The following FRMD4B variants were observed in gnomAD, a reference collection of about 807,000 sequenced individuals.
FRMD4B encodes FERM domain containing 4B.
FRMD4B carries 74 observed loss-of-function variants against 141.5 expected under a neutral mutation model. The observed-to-expected ratio is 0.52, with a 90% CI of 0.43 to 0.63. FRMD4B has a LOEUF of 0.63. Among genes scored for constraint, FRMD4B ranks in the 30% least tolerant of loss-of-function variants. The probability of loss-of-function intolerance (pLI) is 0.00; values close to 1 mark genes in which losing one functional copy is unlikely to be tolerated. For synonymous variants in FRMD4B, 506 were observed against 467.9 expected (o/e 1.08, Z -1.05); for missense variants, 1,366 against 1,253.4 (o/e 1.09, Z -1.36).
chr3:69,404,054 C>A (rs191293235), intron 2 of FRMD4B, among the ~76,000 whole-genome samples: 1 of 152,286 alleles, frequency 6.6e-6, no homozygotes, highest in Non-Finnish European at 1.5e-5. Flanking sequence ...CAACACCACA[C>A]CTGGCTGTTT....
chr3:69,431,699 A>C (rs546448616), intron 2 of FRMD4B, among the ~76,000 whole-genome samples: 1 of 152,302 alleles, frequency 6.6e-6, no homozygotes, highest in South Asian at 2.1e-4. Flanking sequence ...ACAATTATGC[A>C]AGTGGTAGGT....
chr3:69,433,690 C>T (rs143883062), intron 1 of FRMD4B, among the ~76,000 whole-genome samples: 1 of 152,336 alleles, frequency 6.6e-6, no homozygotes, highest in African/African-American at 2.4e-5. Flanking sequence ...ATTCAAGGAG[C>T]TTAACTCAAA....
intron 7 of FRMD4B, among the ~76,000 whole-genome samples, chr3:69,227,141 C>T (rs2093262495): frequency 6.6e-6 from 1 of 152,236 alleles, no homozygotes; most frequent in Middle Eastern, 3.4e-3. Flanking sequence ...GAACTATACA[C>T]AATCAGAATC....
intron 1 of FRMD4B, among the ~76,000 whole-genome samples, chr3:69,493,445 C>G (rs535021675): frequency 6.6e-6 from 1 of 152,120 alleles, no homozygotes. Context: ...ATTTTGCTAG[C>G]CAAACAAAAC....
intron 7 of FRMD4B, among the ~76,000 whole-genome samples, chr3:69,231,435 G>A (rs943053005): frequency 5.3e-5 from 8 of 152,190 alleles, no homozygotes; most frequent in Non-Finnish European, 1.2e-4. Context: ...CTACAGGTAT[G>A]TGCTACCACG....
At chr3:69,341,921 T>G (rs1702751288) in intron 1 of FRMD4B, among the ~76,000 whole-genome samples, 1 of 152,210 alleles carries the variant, frequency 6.6e-6, no homozygotes, top group Admixed American at 6.6e-5. Context: ...ATTACTGAGT[T>G]GCAGTTACTC....
intron 1 of FRMD4B, among the ~76,000 whole-genome samples, chr3:69,443,636 T>C (rs1329972141): frequency 2.0e-5 from 3 of 152,152 alleles, no homozygotes; most frequent in African/African-American, 7.2e-5. Flanking sequence ...ATTATGACAG[T>C]AAGAGAAATC....
chr3:69,319,335 G>A (rs80145539), intron 1 of FRMD4B, among the ~76,000 whole-genome samples: 1,924 of 152,174 alleles, frequency 0.013, 33 homozygotes, highest in African/African-American at 0.043. Context: ...CACTTCTGAG[G>A]CCCACAATTA....
rs768391636 is a variant in FRMD4B at position 69,182,662 on chromosome 3, C to T, written c.1975G>A (p.Gly659Arg). 1.5e-5 allele frequency: 24 copies of T among 1,613,700 alleles called. No individual in the cohort carries two copies. Among genetic ancestry groups the T allele is most frequent in the Non-Finnish European group, 1.9e-5 (23 of 1,179,694 alleles). Residue 659 changes from glycine (G) to arginine (R), a missense_variant, in exon 20 of 23, where the codon GGA (glycine) becomes AGA (arginine). Transcript: ENST00000398540. The stretch of plus-strand genomic sequence containing the variant: ...GGCGTGGTGGGCATGCTTCGTCCTC[C>T]CTGGGGCCGCCTCTCCAGAGTTTTG... ...PYKTLERRPQ[G>R]GRSMPTTPVL...
intron 12 of FRMD4B, 125 bp from the exon 13 acceptor site, chr3:69,197,163 AC>A (rs2092916425): frequency 1.5e-6 from 1 of 649,088 alleles, no homozygotes; most frequent in South Asian, 2.6e-5. Flanking sequence ...AAAAACTCTT[AC>A]GCAAATGGGG....
chr3:69,270,805 C>A (rs2093591151), intron 5 of FRMD4B, among the ~76,000 whole-genome samples: 1 of 152,106 alleles, frequency 6.6e-6, no homozygotes, highest in African/African-American at 2.4e-5. Context: ...ACCTCGTGAT[C>A]CGCCCGCCTC....
At chr3:69,461,532 G>A (rs1386974120) in intron 1 of FRMD4B, among the ~76,000 whole-genome samples, 2 of 140,160 alleles carry the variant, frequency 1.4e-5, no homozygotes, top group East Asian at 4.6e-4. Context: ...GCTGAGGTGG[G>A]AGAATCACTT....
intron 1 of FRMD4B, among the ~76,000 whole-genome samples, chr3:69,362,628 G>A (rs1703501687): frequency 6.6e-6 from 1 of 151,640 alleles, no homozygotes; most frequent in African/African-American, 2.4e-5. Context: ...AGTGAGCCGG[G>A]ATCGTGCCAC....
chr3:69,221,839 C>G lies in FRMD4B; in HGVS notation c.731+19G>C, dbSNP rs753466697. 8 of 1,342,918 alleles carry G rather than the reference C, an allele frequency of 6.0e-6. No individual in the cohort carries two copies. The highest frequency in any genetic ancestry group is 7.4e-6 in the Non-Finnish European group (7 of 942,618). 83.2% of individuals were successfully genotyped at this position (1,342,918 alleles called of 1,614,324 possible). On this transcript the variant is annotated intron_variant, in intron 9 of 22. Coordinates refer to ENST00000398540, the MANE Select transcript of FRMD4B (RefSeq NM_015123.3). ...GAGAGATATTAAAATTATATCTAAG[C>G]AAAAGGAAAGATACTTACTGAACCA...
intron 2 of FRMD4B, among the ~76,000 whole-genome samples, chr3:69,397,868 C>T (rs953797953): frequency 1.3e-5 from 2 of 152,044 alleles, no homozygotes; most frequent in African/African-American, 4.8e-5. Flanking sequence ...AACTATATGG[C>T]ATGTGAATTA....
intron 1 of FRMD4B, among the ~76,000 whole-genome samples, chr3:69,512,808 G>C (rs1214508917): frequency 6.6e-6 from 1 of 151,992 alleles, no homozygotes; most frequent in East Asian, 1.9e-4. Flanking sequence ...TAAAAGGTAA[G>C]CAACCAATGG....
intron 1 of FRMD4B, chr3:69,334,198 C>T (rs1702467655): frequency 6.6e-6 from 1 of 152,196 alleles, no homozygotes; most frequent in Admixed American, 6.5e-5. Flanking sequence ...TGGCCTTAGA[C>T]ATTTAATTAA....
chr3:69,226,624 C>T (rs192086780), intron 7 of FRMD4B, among the ~76,000 whole-genome samples: 1 of 152,210 alleles, frequency 6.6e-6, no homozygotes, highest in East Asian at 1.9e-4. Flanking sequence ...GTTTCAAGAA[C>T]CCAGCCTAGC....
intron 1 of FRMD4B, among the ~76,000 whole-genome samples, chr3:69,377,711 G>A (rs1034943090): frequency 3.9e-5 from 6 of 152,076 alleles, no homozygotes; most frequent in Admixed American, 6.6e-5. Context: ...TAACAACCTG[G>A]GACAACTCTC....
Sources: gnomAD v4.1 joint callset for allele counts (sites outside exome capture counted in the v4.1 genomes callset) on GRCh38, gnomAD v4.1.1 for gene constraint, MANE v1.5 for transcripts, NCBI Gene and HGNC (gene_info 2026-07-23, HGNC 2026-07-21) for gene names.